The following CNTNAP5 variants were observed in gnomAD, a reference collection of about 807,000 sequenced individuals.
CNTNAP5 encodes contactin associated protein family member 5.
CNTNAP5 carries 72 observed loss-of-function variants against 150.2 expected under a neutral mutation model. The ratio of observed to expected loss-of-function variants is 0.48; its 90% CI spans 0.40 to 0.58. CNTNAP5 has a LOEUF of 0.58. CNTNAP5 is among the 20% of genes least tolerant of loss of function. CNTNAP5 has a pLI of 0.00. For missense variants in CNTNAP5, 1,636 were observed against 1,626.2 expected, an observed-to-expected ratio of 1.01 and a Z score of -0.10; for synonymous variants, 672 against 619.8, an observed-to-expected ratio of 1.08 and a Z score of -1.25.
intron 1 of CNTNAP5, among the ~76,000 whole-genome samples, chr2:124,212,263 C>G (rs1353351403): frequency 6.6e-6 from 1 of 152,070 alleles, no homozygotes; most frequent in Non-Finnish European, 1.5e-5. Flanking sequence ...ATTTATGTAG[C>G]TTTTCTTCAG....
At chr2:124,598,792 C>G (rs1434225595) in intron 11 of CNTNAP5, among the ~76,000 whole-genome samples, 1 of 152,162 alleles carries the variant, frequency 6.6e-6, no homozygotes, top group Non-Finnish European at 1.5e-5. Context: ...TAGCAATCAG[C>G]GAGATTCCGT....
At chr2:124,734,512 A>T (rs1680341703) in intron 13 of CNTNAP5, among the ~76,000 whole-genome samples, 1 of 151,988 alleles carries the variant, frequency 6.6e-6, no homozygotes, top group African/African-American at 2.4e-5. Context: ...AGAAAGAGTA[A>T]CTGTGGGAGA....
intron 3 of CNTNAP5, among the ~76,000 whole-genome samples, chr2:124,248,416 A>T (rs1290494108): frequency 2.0e-5 from 3 of 152,192 alleles, no homozygotes; most frequent in Non-Finnish European, 4.4e-5. Context: ...CTCATCATTC[A>T]ACTTGAATAA....
At chr2:124,537,743 A>G (rs898388607) in intron 10 of CNTNAP5, among the ~76,000 whole-genome samples, 1 of 152,186 alleles carries the variant, frequency 6.6e-6, no homozygotes, top group Non-Finnish European at 1.5e-5. Context: ...CCTGGATTTG[A>G]TTAGAAATAA....
rs1465314075 is a variant in CNTNAP5 at position 124,446,955 on chromosome 2, C to T, written c.918+18C>T. On this transcript the variant is annotated intron_variant, in intron 6 of 23. Transcript: ENST00000682447. ...ACTATGAGGTGAGTTGATCCTCCTT[C>T]CTGCACCTCCTCGGCCCCTTGCTTC... The T allele has an allele frequency of 1.2e-6, 2 of 1,606,228 alleles. No homozygotes were observed. The highest frequency in any genetic ancestry group is 2.2e-5 in the East Asian group (1 of 44,756).
intron 1 of CNTNAP5, among the ~76,000 whole-genome samples, chr2:124,100,192 G>A (rs1016899291): frequency 6.6e-5 from 10 of 152,054 alleles, no homozygotes; most frequent in Non-Finnish European, 1.3e-4. Context: ...GGGGCGGAGG[G>A]GCGACACATT....
At chr2:124,740,461 C>T (rs989950900) in intron 13 of CNTNAP5, among the ~76,000 whole-genome samples, 3 of 152,156 alleles carry the variant, frequency 2.0e-5, no homozygotes, top group Non-Finnish European at 4.4e-5. Context: ...TCAGGTTACA[C>T]TGCCAATCAT....
chr2:124,453,754 C>T (rs1693046390), intron 6 of CNTNAP5, among the ~76,000 whole-genome samples: 1 of 152,152 alleles, frequency 6.6e-6, no homozygotes, highest in South Asian at 2.1e-4. Flanking sequence ...AAACAATTAT[C>T]AGCCAAGAAT....
chr2:124,558,811 C>T (rs1030294625), intron 10 of CNTNAP5, among the ~76,000 whole-genome samples: 1 of 152,160 alleles, frequency 6.6e-6, no homozygotes, highest in Non-Finnish European at 1.5e-5. Flanking sequence ...TGTGGGGGTC[C>T]TTTTGTTCTT....
At chr2:124,065,912 A>C (rs1057319702) in intron 1 of CNTNAP5, among the ~76,000 whole-genome samples, 1 of 152,208 alleles carries the variant, frequency 6.6e-6, no homozygotes, top group African/African-American at 2.4e-5. Context: ...TCTGCTTTAT[A>C]AAGCTAAAAA....
At chr2:124,600,649 C>A (rs12990799) in intron 11 of CNTNAP5, among the ~76,000 whole-genome samples, 53 of 151,074 alleles carry the variant, frequency 3.5e-4, no homozygotes, top group African/African-American at 1.3e-3. Flanking sequence ...TGACACAACT[C>A]GAATCCACCA....
At chr2:124,097,755 G>A (rs190489451) in intron 1 of CNTNAP5, among the ~76,000 whole-genome samples, 327 of 152,220 alleles carry the variant, frequency 2.1e-3, no homozygotes, top group African/African-American at 7.3e-3. Flanking sequence ...CCGGCCAGGC[G>A]CAGTGGCTCA....
intron 10 of CNTNAP5, among the ~76,000 whole-genome samples, chr2:124,535,606 C>CAAAAAAAAA (rs1168717177): frequency 1.3e-5 from 1 of 76,014 alleles, no homozygotes. Flanking sequence ...TACTGAAATA[C>CAAAAAAAAA]AAAAAAAAAA....
chr2:124,485,939 G>A (rs1415234357), intron 7 of CNTNAP5, among the ~76,000 whole-genome samples: 5 of 152,188 alleles, frequency 3.3e-5, no homozygotes, highest in African/African-American at 1.2e-4. Context: ...GTTTGATTGA[G>A]CAATTTCACT....
chr2:124,248,284 A>G (rs974342234), intron 3 of CNTNAP5, among the ~76,000 whole-genome samples: 1 of 152,002 alleles, frequency 6.6e-6, no homozygotes, highest in Non-Finnish European at 1.5e-5. Flanking sequence ...ATTCCTCCAC[A>G]TTTCCTTGCT....
chr2:124,631,148 C>A (rs893530667), intron 12 of CNTNAP5, among the ~76,000 whole-genome samples: 3 of 152,082 alleles, frequency 2.0e-5, no homozygotes, highest in African/African-American at 7.2e-5. Context: ...GGCCATACTT[C>A]CCAAAGCAAT....
intron 12 of CNTNAP5, among the ~76,000 whole-genome samples, chr2:124,618,847 C>G (rs1452057297): frequency 6.6e-6 from 1 of 151,900 alleles, no homozygotes; most frequent in Non-Finnish European, 1.5e-5. Flanking sequence ...ACAAACCATC[C>G]AAATAAATGA....
chr2:124,174,110 G>GA lies in CNTNAP5; in HGVS notation c.83-47580dup, dbSNP rs3063417. ...CCCACTGTTGAGATTTACTGCTCAG[G>GA]AAAAAAAAAAAAAAAGATTCATTTC... On this transcript the variant is annotated intron_variant, in intron 1 of 23. Transcript: ENST00000682447. Among the ~76,000 whole-genome samples the GA allele has an allele frequency of 5.7e-3, 813 of 142,980 alleles. 8 individuals are homozygous for GA. Among genetic ancestry groups the GA allele is most frequent in the South Asian group, 0.022 (100 of 4,492 alleles). The allele number at this position is 142,980 out of a possible 152,430, so 93.8% of individuals were successfully genotyped here. A position where few individuals can be genotyped will look rare whatever the true frequency, so the allele number is the denominator to read the frequency against.
Position 124,417,493 on chromosome 2 carries a change from G to T in CNTNAP5, c.432G>T (p.Leu144Phe). The change falls in exon 4 of 24, where the codon TTG becomes TTT. Residue 144 changes from leucine (L) to phenylalanine (F), a missense_variant. Transcript: ENST00000682447. Reference protein sequence around the residue: ...NADSVVHHKLLHSVRARFVRF... With the variant: ...NADSVVHHKLFHSVRARFVRF... ...ACAGCGTGGTGCACCACAAGCTATT[G>T]CACTCAGTGAGAGCCCGATTTGTTC... 6.2e-7 allele frequency: 1 copy of T among 1,613,900 alleles called. No individual in the cohort carries two copies. Among genetic ancestry groups the T allele is most frequent in the Non-Finnish European group, 8.5e-7 (1 of 1,179,886 alleles).
Sources: allele counts gnomAD v4.1 joint callset (sites outside exome capture counted in the v4.1 genomes callset), GRCh38; gene constraint gnomAD v4.1.1; transcripts MANE v1.5; gene names NCBI Gene and HGNC (gene_info 2026-07-23, HGNC 2026-07-21).